ATP8B4: variants seen among roughly 807,000 people sequenced by gnomAD.
The protein encoded by ATP8B4 is probable phospholipid-transporting ATPase IM.
Under a neutral mutation model 145.6 loss-of-function variants are expected in ATP8B4, and 133 were observed. That is an observed-to-expected ratio of 0.91 (90% CI 0.79 to 1.05). The LOEUF is 1.05. ATP8B4 is among the 50% of genes least tolerant of loss of function. ATP8B4 has a pLI of 0.00. For synonymous variants in ATP8B4, 507 were observed against 492.9 expected, an observed-to-expected ratio of 1.03 and a Z score of -0.38; for missense variants, 1,458 against 1,425.2, an observed-to-expected ratio of 1.02 and a Z score of -0.37.
chr15:49,996,677 C>CA lies in ATP8B4; in HGVS notation c.588dup (p.Gly197TrpfsTer6). The CA allele has an allele frequency of 2.5e-6, 4 of 1,599,802 alleles. No homozygotes were observed. The highest frequency in any genetic ancestry group is 3.4e-6 in the Non-Finnish European group (4 of 1,169,242). ...TTGTTTATCTGTTTAAAATACTTAC[C>CA]ATCAAACCCTGCAAGTCTGCTGATA... is the stretch of plus-strand genomic sequence containing the variant. On this transcript the variant is annotated frameshift_variant and splice_region_variant, in exon 9 of 28. Coordinates refer to ENST00000284509, the MANE Select transcript of ATP8B4 (RefSeq NM_024837.4). LOFTEE classifies it high-confidence loss of function.
At chr15:49,898,841 C>T (rs1356083036) in intron 21 of ATP8B4, among the ~76,000 whole-genome samples, 1 of 152,166 alleles carries the variant, frequency 6.6e-6, no homozygotes, top group Non-Finnish European at 1.5e-5. Flanking sequence ...GACAGGGTTC[C>T]TCAACCATTT....
intron 3 of ATP8B4, among the ~76,000 whole-genome samples, chr15:50,048,928 C>G (rs1405264456): frequency 7.2e-5 from 11 of 152,076 alleles, no homozygotes; most frequent in Admixed American, 7.2e-4. Flanking sequence ...CATTAACCAA[C>G]AGTAAGGGAG....
chr15:50,023,264 A>C (rs1379322519), intron 6 of ATP8B4, among the ~76,000 whole-genome samples: 1 of 152,178 alleles, frequency 6.6e-6, no homozygotes, highest in Non-Finnish European at 1.5e-5. Flanking sequence ...TCCTTTCTTA[A>C]TCACAAGAGC....
intron 7 of ATP8B4, chr15:50,009,517 A>G (rs1269724847): frequency 2.9e-6 from 1 of 340,826 alleles, no homozygotes; most frequent in African/African-American, 2.2e-5. Flanking sequence ...AAAGACAAAG[A>G]AGATAAAGTC....
chr15:49,941,737 C>G (rs1298359652), intron 14 of ATP8B4, among the ~76,000 whole-genome samples: 5 of 152,078 alleles, frequency 3.3e-5, no homozygotes, highest in African/African-American at 1.2e-4. Context: ...GACACCTGCA[C>G]ACATATTTTT....
intron 5 of ATP8B4, among the ~76,000 whole-genome samples, chr15:50,042,778 T>A (rs779947605): frequency 3.3e-5 from 5 of 152,182 alleles, no homozygotes; most frequent in African/African-American, 4.8e-5. Context: ...TGAGATGGAC[T>A]ATTACAGACT....
At chr15:50,104,866 T>TACAC (rs142425113) in intron 2 of ATP8B4, among the ~76,000 whole-genome samples, 23 of 116,388 alleles carry the variant, frequency 2.0e-4, no homozygotes, top group African/African-American at 4.0e-4. Flanking sequence ...AAATGTTGCA[T>TACAC]ACACACACAC....
intron 23 of ATP8B4, chr15:49,883,428 T>G (rs1005354215): frequency 1.3e-5 from 2 of 152,096 alleles, no homozygotes; most frequent in African/African-American, 4.8e-5. Flanking sequence ...AAAATCAGAG[T>G]AAGGTTTCAA....
At chr15:50,040,116 G>T (rs973750828) in intron 5 of ATP8B4, among the ~76,000 whole-genome samples, 1 of 152,182 alleles carries the variant, frequency 6.6e-6, no homozygotes, top group African/African-American at 2.4e-5. Flanking sequence ...TCTCCACTCT[G>T]CCCTGTGCCA....
In ATP8B4 at chr15:49,996,742, AC is replaced by A. The variant is rs2047459717; in HGVS notation, c.523del (p.Val175SerfsTer34). On this transcript the variant is annotated frameshift_variant, in exon 9 of 28. Coordinates refer to ENST00000284509, the MANE Select transcript of ATP8B4 (RefSeq NM_024837.4). LOFTEE classifies it high-confidence loss of function. ...AELDGETNLK[V>X]RHALSVTSEL... ...TGAAGTAACTGATAGTGCATGGCGG[AC>A]TTTTAGGTTCGTTTCCCTGTGAAAT... 1.9e-6 allele frequency: 3 copies of A among 1,610,310 alleles called. No homozygotes were observed. In the East Asian group the frequency reaches 6.7e-5, roughly 36 times the overall value.
At chr15:50,112,536 G>A (rs764682425) in intron 1 of ATP8B4, among the ~76,000 whole-genome samples, 2 of 151,930 alleles carry the variant, frequency 1.3e-5, no homozygotes, top group East Asian at 3.9e-4. Context: ...TGTTCCGTTC[G>A]GCTTGCCTCC....
At chr15:50,072,493 T>G (rs2053804195) in intron 3 of ATP8B4, among the ~76,000 whole-genome samples, 1 of 152,202 alleles carries the variant, frequency 6.6e-6, no homozygotes, top group Non-Finnish European at 1.5e-5. Flanking sequence ...AGTCACTTAG[T>G]AGACATTCCA....
intron 1 of ATP8B4, among the ~76,000 whole-genome samples, chr15:50,172,337 T>A (rs987598391): frequency 5.3e-5 from 8 of 152,208 alleles, no homozygotes; most frequent in Middle Eastern, 3.2e-3. Flanking sequence ...GGAGACGGGG[T>A]TTCCCCCTCT....
chr15:49,872,329 G>A (rs978443752), intron 25 of ATP8B4, among the ~76,000 whole-genome samples: 1 of 152,110 alleles, frequency 6.6e-6, no homozygotes, highest in African/African-American at 2.4e-5. Flanking sequence ...ACCTGCTACA[G>A]TTTTAACATA....
intron 15 of ATP8B4, among the ~76,000 whole-genome samples, chr15:49,933,345 G>A (rs1341687062): frequency 6.6e-6 from 1 of 151,984 alleles, no homozygotes; most frequent in Non-Finnish European, 1.5e-5. Flanking sequence ...GTGGGCTGAG[G>A]AAAACATATA....
intron 1 of ATP8B4, among the ~76,000 whole-genome samples, chr15:50,150,202 G>A (rs1001354275): frequency 1.3e-5 from 2 of 152,204 alleles, no homozygotes; most frequent in East Asian, 3.9e-4. Context: ...TGAACAGTGA[G>A]TTGCTGGGCA....
chr15:49,933,961 T>G (rs2041501336), intron 15 of ATP8B4, 56 bp downstream of exon 15: 3 of 1,454,022 alleles, frequency 2.1e-6, no homozygotes, highest in Non-Finnish European at 2.7e-6. Flanking sequence ...TAGTGTCAGT[T>G]TCAATTTTAA....
chr15:49,998,445 G>A (rs1402650090), intron 8 of ATP8B4, among the ~76,000 whole-genome samples: 1 of 152,226 alleles, frequency 6.6e-6, no homozygotes, highest in South Asian at 2.1e-4. Flanking sequence ...ACTGGCGTGA[G>A]ACGGTATCTC....
chr15:50,037,112 G>A (rs1290945658), intron 6 of ATP8B4, among the ~76,000 whole-genome samples: 4 of 152,248 alleles, frequency 2.6e-5, no homozygotes, highest in South Asian at 2.1e-4. Flanking sequence ...AGGCCCCAAC[G>A]TCTATCACAA....
Sources: gnomAD v4.1 joint callset for allele counts (sites outside exome capture counted in the v4.1 genomes callset) on GRCh38, gnomAD v4.1.1 for gene constraint, MANE v1.5 for transcripts, NCBI Gene and HGNC (gene_info 2026-07-23, HGNC 2026-07-21) for gene names.